The following RALYL variants were observed in gnomAD, a reference collection of about 807,000 sequenced individuals.
RALYL encodes RNA-binding Raly-like protein.
RALYL carries 29 observed loss-of-function variants against 35.1 expected under a neutral mutation model. The ratio of observed to expected loss-of-function variants is 0.83; its 90% CI spans 0.61 to 1.13. The LOEUF (loss-of-function observed/expected upper bound fraction) is 1.13, where lower values mean the gene tolerates loss of function less well. Among genes scored for constraint, RALYL ranks in the 50% most tolerant of loss-of-function variants. The pLI is 0.00. For missense variants in RALYL, 359 were observed against 360.4 expected, an observed-to-expected ratio of 1.00 and a Z score of 0.03; for synonymous variants, 120 against 127.6, an observed-to-expected ratio of 0.94 and a Z score of 0.40.
chr8:84,551,175 A>G (rs139989680), intron 2 of RALYL, among the ~76,000 whole-genome samples: 54 of 152,182 alleles, frequency 3.5e-4, no homozygotes, highest in African/African-American at 9.4e-4. Context: ...TTAAATTTCT[A>G]CTAGATAAAG....
intron 2 of RALYL, among the ~76,000 whole-genome samples, chr8:84,562,886 G>T (rs1057049272): frequency 6.6e-6 from 1 of 151,912 alleles, no homozygotes; most frequent in Non-Finnish European, 1.5e-5. Flanking sequence ...CCTTGGGCAC[G>T]AGACTCAATC....
intron 1 of RALYL, among the ~76,000 whole-genome samples, chr8:84,209,492 T>C (rs1714895625): frequency 6.6e-6 from 1 of 152,226 alleles, no homozygotes; most frequent in African/African-American, 2.4e-5. Context: ...TAATTGTTAT[T>C]GTGAGTGTCA....
At chr8:84,806,947 G>C (rs972616526) in intron 4 of RALYL, among the ~76,000 whole-genome samples, 3 of 152,010 alleles carry the variant, frequency 2.0e-5, no homozygotes, top group African/African-American at 7.3e-5. Flanking sequence ...GCAGGTCCGG[G>C]CTACAATGAA....
At chr8:84,887,549 C>T in intron 7 of RALYL, 55 bp from the exon 8 acceptor site, 1 of 1,496,516 alleles carries the variant, frequency 6.7e-7, no homozygotes, top group Non-Finnish European at 9.0e-7. Flanking sequence ...ATGGTTTATC[C>T]AAATGGCTCA....
At chr8:84,847,852 C>G (rs752484657) in intron 4 of RALYL, among the ~76,000 whole-genome samples, 1 of 152,128 alleles carries the variant, frequency 6.6e-6, no homozygotes, top group Non-Finnish European at 1.5e-5. Flanking sequence ...TGAACCCAAA[C>G]ACCATGTGTT....
intron 1 of RALYL, among the ~76,000 whole-genome samples, chr8:84,188,294 A>G (rs547677267): frequency 3.9e-4 from 59 of 152,186 alleles, no homozygotes; most frequent in Admixed American, 1.3e-3. Flanking sequence ...TCATTATGAA[A>G]ACTCTGTGTT....
chr8:84,727,243 A>G (rs1043515098), intron 2 of RALYL, among the ~76,000 whole-genome samples: 1 of 152,110 alleles, frequency 6.6e-6, no homozygotes, highest in Non-Finnish European at 1.5e-5. Context: ...CTTAAGATGT[A>G]TGAGACATGA....
At chr8:84,397,848 C>A (rs1176467828) in intron 1 of RALYL, among the ~76,000 whole-genome samples, 2 of 152,110 alleles carry the variant, frequency 1.3e-5, no homozygotes, top group African/African-American at 4.8e-5. Flanking sequence ...TAAGAGAGAC[C>A]CATACTTCCT....
chr8:84,755,595 T>C (rs193271628), intron 2 of RALYL, among the ~76,000 whole-genome samples: 64 of 152,298 alleles, frequency 4.2e-4, no homozygotes, highest in African/African-American at 1.4e-3. Context: ...ATTTGCAACA[T>C]GATCATATTA....
Position 84,731,145 on chromosome 8 carries a change from A to G in RALYL, c.257-43434A>G, listed in dbSNP as rs192553387. Among the ~76,000 whole-genome samples, 3 of 152,246 alleles carry G rather than the reference A, an allele frequency of 2.0e-5. No homozygotes were observed. The East Asian group carries it at 5.8e-4, about 29-fold the overall frequency. ...TTTATGATAACTCTATGCATTAGAT[A>G]CTATTACTATCTCTAATCTATCGAA... is the stretch of plus-strand genomic sequence containing the variant. On this transcript the variant is annotated intron_variant, in intron 2 of 8. Transcript: ENST00000521268.
intron 1 of RALYL, among the ~76,000 whole-genome samples, chr8:84,219,983 A>G (rs1357577857): frequency 6.6e-6 from 1 of 152,054 alleles, no homozygotes; most frequent in African/African-American, 2.4e-5. Flanking sequence ...GTCCATCACA[A>G]CACTAACAGT....
chr8:84,751,483 C>T (rs551028472), intron 2 of RALYL, among the ~76,000 whole-genome samples: 1 of 152,200 alleles, frequency 6.6e-6, no homozygotes, highest in African/African-American at 2.4e-5. Context: ...GCTGGGATTA[C>T]AGGCGTGAAC....
At chr8:84,514,709 A>G (rs550464898) in intron 1 of RALYL, among the ~76,000 whole-genome samples, 1 of 152,340 alleles carries the variant, frequency 6.6e-6, no homozygotes, top group Non-Finnish European at 1.5e-5. Context: ...GAAGAGACAC[A>G]TATAGCAGCA....
intron 1 of RALYL, among the ~76,000 whole-genome samples, chr8:84,249,727 C>A (rs566514366): frequency 6.0e-4 from 91 of 151,994 alleles, no homozygotes; most frequent in African/African-American, 2.1e-3. Context: ...ACCACATGGG[C>A]ATCTTGATGT....
chr8:84,699,779 G>T (rs1839869759), intron 2 of RALYL, among the ~76,000 whole-genome samples: 1 of 152,060 alleles, frequency 6.6e-6, no homozygotes, highest in Non-Finnish European at 1.5e-5. Context: ...GCAGATGATA[G>T]TACCTTTTAT....
At chr8:84,674,903 T>C (rs1368420660) in intron 2 of RALYL, among the ~76,000 whole-genome samples, 1 of 152,092 alleles carries the variant, frequency 6.6e-6, no homozygotes, top group Non-Finnish European at 1.5e-5. Flanking sequence ...GAGTTAAAGT[T>C]GTTTCTTGGA....
intron 1 of RALYL, among the ~76,000 whole-genome samples, chr8:84,301,316 T>C (rs576288297): frequency 5.3e-5 from 8 of 151,584 alleles, no homozygotes; most frequent in Admixed American, 2.6e-4. Flanking sequence ...TTAAAAAAAA[T>C]TTTTTTTTAC....
intron 1 of RALYL, among the ~76,000 whole-genome samples, chr8:84,280,711 A>C (rs1458785639): frequency 6.6e-6 from 1 of 150,976 alleles, no homozygotes; most frequent in Non-Finnish European, 1.5e-5. Context: ...AGTACCCAAC[A>C]AAGTACATAT....
At chr8:84,659,730 A>G (rs1830563301) in intron 2 of RALYL, among the ~76,000 whole-genome samples, 1 of 152,178 alleles carries the variant, frequency 6.6e-6, no homozygotes, top group African/African-American at 2.4e-5. Context: ...TAATATAAAT[A>G]TCATGTATTG....
Sources: gnomAD v4.1 joint callset for allele counts (sites outside exome capture counted in the v4.1 genomes callset) on GRCh38, gnomAD v4.1.1 for gene constraint, MANE v1.5 for transcripts, NCBI Gene and HGNC (gene_info 2026-07-23, HGNC 2026-07-21) for gene names.